The following CARMIL1 variants were observed in gnomAD, a reference collection of about 807,000 sequenced individuals.
The protein encoded by CARMIL1 is capping protein regulator and myosin 1 linker 1.
CARMIL1 carries 90 observed loss-of-function variants against 177.1 expected under a neutral mutation model. The ratio of observed to expected loss-of-function variants is 0.51; its 90% CI spans 0.43 to 0.61. The LOEUF is 0.61. Ranked by LOEUF, CARMIL1 falls within the 20% of genes least tolerant of loss-of-function variation. CARMIL1 has a pLI of 0.00. For missense variants in CARMIL1, 1,380 were observed against 1,667.0 expected (o/e 0.83, Z 3.00); for synonymous variants, 577 against 606.2 (o/e 0.95, Z 0.71).
intron 31 of CARMIL1, among the ~76,000 whole-genome samples, chr6:25,584,026 C>CTTTTTTTTTTTTTTTTTTTTTTT (rs71544648): frequency 4.2e-5 from 5 of 119,136 alleles, no homozygotes; most frequent in Non-Finnish European, 6.9e-5. Context: ...TTTTCTTTTT[C>CTTTTTTTTTTTTTTTTTTTTTTT]TTTTTTTTTT....
rs189028390 is a variant in CARMIL1, at chr6:25,456,235, C to T, written c.614+5524C>T. On this transcript the variant is annotated intron_variant, in intron 8 of 36. Transcript: ENST00000329474. ...TATATCTTGCTACTGCACTAAAACC[C>T]GTAAGATCTATATAGGTGCTTCATG... is the stretch of plus-strand genomic sequence containing the variant. Among the ~76,000 whole-genome samples the T allele has an allele frequency of 2.3e-3, 347 of 152,266 alleles. 1 individual carries two copies. The highest frequency in any genetic ancestry group is 7.7e-3 in the African/African-American group (321 of 41,526).
At position 25,620,302 on chromosome 6, in the gene CARMIL1, A is replaced by G. The variant is rs1425505034; in HGVS notation, c.*719A>G. 1.3e-5 allele frequency: 2 copies of G among 152,212 alleles called. No homozygotes were observed. Among genetic ancestry groups the G allele is most frequent in the Non-Finnish European group, 2.9e-5 (2 of 68,032 alleles). 9.4% of individuals were successfully genotyped at this position (152,212 alleles called of 1,614,324 possible). A position where few individuals can be genotyped will look rare whatever the true frequency, so the allele number is the denominator to read the frequency against. Reference sequence around the variant, plus strand: ...TTACCATGTGCCCAGATTAATGTATATAGTTGATTGGAATGAGGTTTTATG... The same window carrying G: ...TTACCATGTGCCCAGATTAATGTATGTAGTTGATTGGAATGAGGTTTTATG... On this transcript the variant is annotated 3_prime_UTR_variant, in exon 37 of 37. Transcript: ENST00000329474.
rs1468130933 is a variant in CARMIL1 at position 25,515,013 on chromosome 6, G to C, written c.1633-662G>C. 3.9e-5 allele frequency among the ~76,000 whole-genome samples: 6 copies of C among 152,168 alleles called. No homozygotes were observed. Among genetic ancestry groups the C allele is most frequent in the Non-Finnish European group, 7.4e-5 (5 of 68,022 alleles). The stretch of plus-strand genomic sequence containing the variant: ...ATAGGGAGATGTGGTATAGGGTTAG[G>C]AGCATGAAATCTGGAACCAGTACAT... On this transcript the variant is annotated intron_variant, in intron 20 of 36. Transcript: ENST00000329474. This position sits in a 1 kb window ranked among gnomAD's most constrained non-coding sequence, Gnocchi z 5.0.
chr6:25,302,631 C>T (rs1782951243), intron 2 of CARMIL1, among the ~76,000 whole-genome samples: 1 of 152,204 alleles, frequency 6.6e-6, no homozygotes, highest in South Asian at 2.1e-4. Context: ...CCTCAGGGGC[C>T]CAGCCAGTCT....
intron 2 of CARMIL1, among the ~76,000 whole-genome samples, chr6:25,360,514 C>T (rs922629048): frequency 6.6e-6 from 1 of 152,152 alleles, no homozygotes; most frequent in African/African-American, 2.4e-5. Flanking sequence ...ACCTTACATA[C>T]TTTTTTTGTT....
At chr6:25,462,012 T>A (rs1171994842) in intron 8 of CARMIL1, among the ~76,000 whole-genome samples, 1 of 152,158 alleles carries the variant, frequency 6.6e-6, no homozygotes, top group Non-Finnish European at 1.5e-5. Context: ...TTTGCTCATT[T>A]AAAAAAATGG....
At chr6:25,489,234 T>C (rs2060932048) in intron 13 of CARMIL1, among the ~76,000 whole-genome samples, 1 of 152,088 alleles carries the variant, frequency 6.6e-6, no homozygotes, top group African/African-American at 2.4e-5. Flanking sequence ...GTAAGGAAGA[T>C]TGGGCACATT....
intron 29 of CARMIL1, among the ~76,000 whole-genome samples, chr6:25,572,702 CA>C (rs35085655): frequency 0.2 from 10,469 of 52,986 alleles, 134 homozygotes; most frequent in South Asian, 0.22. Flanking sequence ...GACCTTGTCT[CA>C]AAAAAAAAAA....
intron 2 of CARMIL1, among the ~76,000 whole-genome samples, chr6:25,386,935 C>T (rs1046950584): frequency 6.6e-6 from 1 of 151,894 alleles, no homozygotes; most frequent in African/African-American, 2.4e-5. Context: ...CAAGACCAGC[C>T]TGGCCAACAA....
At chr6:25,552,640 C>T (rs3804133) in intron 27 of CARMIL1, among the ~76,000 whole-genome samples, 20,797 of 151,988 alleles carry the variant, frequency 0.14, 1,837 homozygotes, top group South Asian at 0.19. Flanking sequence ...GCATAGTATC[C>T]GGTAGCAAAA....
chr6:25,449,216 C>A (rs1190827444), intron 5 of CARMIL1, among the ~76,000 whole-genome samples: 1 of 152,140 alleles, frequency 6.6e-6, no homozygotes, highest in Non-Finnish European at 1.5e-5. Flanking sequence ...GTACTATTAT[C>A]ATTTTTTCTC....
At chr6:25,434,518 ATTT>A (rs5875039) in intron 4 of CARMIL1, among the ~76,000 whole-genome samples, 51 of 101,686 alleles carry the variant, frequency 5.0e-4, no homozygotes, top group African/African-American at 1.6e-3. Flanking sequence ...GCTCAAAACC[ATTT>A]TTTTTTTTTT....
rs3827503 is a variant in CARMIL1 at position 25,577,612 on chromosome 6, A to T, written c.2743-3312A>T. ...TAAGCAACTTGACTCTCATTTTTTT[A>T]AAAAAAAAGTATGTCTAGGAATTAC... On this transcript the variant is annotated intron_variant, in intron 29 of 36. Coordinates refer to ENST00000329474, the MANE Select transcript of CARMIL1 (RefSeq NM_017640.6). This position sits in a 1 kb window ranked among gnomAD's most constrained non-coding sequence, Gnocchi z 4.5. 0.29 allele frequency among the ~76,000 whole-genome samples: 43,799 copies of T among 151,222 alleles called. 6,655 individuals are homozygous for T. The highest frequency in any genetic ancestry group is 0.4 in the East Asian group (2,039 of 5,136).
intron 2 of CARMIL1, among the ~76,000 whole-genome samples, chr6:25,378,783 T>C (rs545838447): frequency 2.2e-5 from 1 of 46,116 alleles, no homozygotes; most frequent in African/African-American, 1.7e-4. Context: ...AGTTTCTGGG[T>C]TTTTTCCTGA....
chr6:25,430,997 T>G (rs978319585), intron 4 of CARMIL1, among the ~76,000 whole-genome samples: 1 of 152,164 alleles, frequency 6.6e-6, no homozygotes, highest in Non-Finnish European at 1.5e-5. Flanking sequence ...ACCAATTTTT[T>G]TTTATCTTTT....
At chr6:25,442,466 G>A (rs892382857) in intron 5 of CARMIL1, among the ~76,000 whole-genome samples, 1 of 131,388 alleles carries the variant, frequency 7.6e-6, no homozygotes, top group African/African-American at 2.9e-5. Context: ...GTGTGTGTGT[G>A]TATGTGTGTG....
chr6:25,466,785 G>A (rs1338936136), intron 9 of CARMIL1, among the ~76,000 whole-genome samples: 1 of 152,090 alleles, frequency 6.6e-6, no homozygotes, highest in Admixed American at 6.5e-5. Flanking sequence ...CTGGGGTAGG[G>A]GTGGCCTAAA....
intron 12 of CARMIL1, among the ~76,000 whole-genome samples, chr6:25,487,646 G>A (rs1802795689): frequency 6.6e-6 from 1 of 152,138 alleles, no homozygotes; most frequent in South Asian, 2.1e-4. Context: ...CTCAGTGAGT[G>A]ATTAGACCCT....
intron 2 of CARMIL1, among the ~76,000 whole-genome samples, chr6:25,386,697 G>C (rs955123508): frequency 4.6e-5 from 7 of 152,124 alleles, no homozygotes; most frequent in Admixed American, 2.6e-4. Context: ...GTTAATATAA[G>C]CAAAGACTAA....
Sources: allele counts gnomAD v4.1 joint callset (sites outside exome capture counted in the v4.1 genomes callset), GRCh38; gene constraint gnomAD v4.1.1; non-coding constraint Gnocchi (gnomAD v3.1); transcripts MANE v1.5; gene names NCBI Gene and HGNC (gene_info 2026-07-23, HGNC 2026-07-21).